The following C1QTNF3 variants were observed in gnomAD, a reference collection of about 807,000 sequenced individuals.
C1QTNF3 encodes the protein complement C1q tumor necrosis factor-related protein 3.
In C1QTNF3, 26 loss-of-function variants were observed where a neutral mutation model predicts 32.6. The observed-to-expected ratio is 0.80, with a 90% confidence interval of 0.58 to 1.11. The LOEUF (loss-of-function observed/expected upper bound fraction) is 1.11, where lower values mean the gene tolerates loss of function less well. C1QTNF3 is among the 50% of genes least tolerant of loss of function. C1QTNF3 has a pLI of 0.00. For synonymous variants in C1QTNF3, 155 were observed against 146.0 expected, an observed-to-expected ratio of 1.06 and a Z score of -0.44; for missense variants, 362 against 398.2, an observed-to-expected ratio of 0.91 and a Z score of 0.77.
the C1QTNF3 span, among the ~76,000 whole-genome samples, chr5:34,056,967 G>A: frequency 1.3e-5 from 2 of 152,142 alleles, no homozygotes; most frequent in African/African-American, 4.8e-5. Context: ...CATCCTTACT[G>A]GAATGTGAGC....
Position 34,035,710 on chromosome 5 carries a change from C to G in C1QTNF3, c.352G>C (p.Gly118Arg). ...LPPDCSKCCH[G>R]DYSFRGYQGP... ...TGGTAGCCTCGAAAGCTGTAGTCTCCATGACAACACTTACTGCAGTCTGGG... is the reference window on the plus strand; with the variant it reads ...TGGTAGCCTCGAAAGCTGTAGTCTCGATGACAACACTTACTGCAGTCTGGG... The change falls in exon 2 of 6, where the codon GGA becomes CGA. Residue 118 changes from glycine (G) to arginine (R), a missense_variant. Physicochemically the swap from Gly to Arg is moderately radical, Grantham distance 125. Coordinates refer to ENST00000382065, the MANE Select transcript of C1QTNF3 (RefSeq NM_181435.6). The G allele has an allele frequency of 6.2e-7, 1 of 1,612,384 alleles. No individual in the cohort carries two copies. Among genetic ancestry groups the G allele is most frequent in the East Asian group, 2.2e-5 (1 of 44,848 alleles).
the C1QTNF3 span, among the ~76,000 whole-genome samples, chr5:34,107,900 C>A: frequency 6.6e-6 from 1 of 151,970 alleles, no homozygotes. Context: ...TTCCAGTTAC[C>A]TTTGAATTAC....
the C1QTNF3 span, among the ~76,000 whole-genome samples, chr5:34,136,546 T>C: frequency 1.3e-5 from 2 of 152,358 alleles, no homozygotes; most frequent in South Asian, 4.1e-4. Context: ...TTTTACACTG[T>C]TGGTGGGAGT....
chr5:34,177,793 C>A, the C1QTNF3 span, among the ~76,000 whole-genome samples: 4 of 151,824 alleles, frequency 2.6e-5, no homozygotes, highest in Admixed American at 2.6e-4. Context: ...AGCCACAACT[C>A]ATCTTAAATA....
chr5:34,128,104 G>A, the C1QTNF3 span, among the ~76,000 whole-genome samples: 7 of 152,190 alleles, frequency 4.6e-5, no homozygotes, highest in South Asian at 4.1e-4. Flanking sequence ...GCCTTGGGAC[G>A]TGAAGACCTG....
chr5:34,211,169 A>G, the C1QTNF3 span, among the ~76,000 whole-genome samples: 1 of 151,578 alleles, frequency 6.6e-6, no homozygotes, highest in Non-Finnish European at 1.5e-5. Context: ...TCAGTTTTAA[A>G]TAAGGAAATA....
chr5:34,155,845 T>C, the C1QTNF3 span, among the ~76,000 whole-genome samples: 2 of 152,148 alleles, frequency 1.3e-5, no homozygotes, highest in Admixed American at 1.3e-4. Flanking sequence ...CTAAGTGACA[T>C]TAAGAAGAGA....
the C1QTNF3 span, among the ~76,000 whole-genome samples, chr5:34,072,555 T>G: frequency 6.6e-6 from 1 of 152,116 alleles, no homozygotes. Flanking sequence ...CTACAGTAAT[T>G]CACCAGACAT....
At chr5:34,032,435 G>A (rs1229817565) in intron 3 of C1QTNF3, among the ~76,000 whole-genome samples, 6 of 152,194 alleles carry the variant, frequency 3.9e-5, no homozygotes, top group Admixed American at 2.0e-4. Context: ...AACACTGAGT[G>A]GATGGCTCAA....
intron 1 of C1QTNF3, among the ~76,000 whole-genome samples, chr5:34,039,639 G>A (rs1182512939): frequency 6.6e-6 from 1 of 152,178 alleles, no homozygotes; most frequent in Non-Finnish European, 1.5e-5. Flanking sequence ...TGCGGTATGT[G>A]TGTTTCTCCT....
chr5:34,146,384 T>C, the C1QTNF3 span, among the ~76,000 whole-genome samples: 1 of 152,028 alleles, frequency 6.6e-6, no homozygotes, highest in African/African-American at 2.4e-5. Flanking sequence ...ATAGAACAAA[T>C]CCAGGGACAT....
At chr5:34,146,151 A>C in the C1QTNF3 span, among the ~76,000 whole-genome samples, 1 of 152,214 alleles carries the variant, frequency 6.6e-6, no homozygotes, top group Non-Finnish European at 1.5e-5. Flanking sequence ...AGTCCTAGTC[A>C]GAGGAATAAA....
the C1QTNF3 span, among the ~76,000 whole-genome samples, chr5:34,102,854 G>GA: frequency 2.6e-5 from 4 of 152,356 alleles, no homozygotes; most frequent in Admixed American, 1.3e-4. Context: ...CTGGGGGAGG[G>GA]ATAGCATTAG....
the C1QTNF3 span, among the ~76,000 whole-genome samples, chr5:34,131,699 T>C: frequency 1.3e-5 from 2 of 152,332 alleles, no homozygotes; most frequent in African/African-American, 2.4e-5. Flanking sequence ...AAATAAGTTC[T>C]AGTGTTCTAT....
chr5:34,222,630 C>A, the C1QTNF3 span, among the ~76,000 whole-genome samples: 1 of 151,772 alleles, frequency 6.6e-6, no homozygotes, highest in African/African-American at 2.4e-5. Flanking sequence ...AATTACTTTA[C>A]CCCTTAAAAG....
the C1QTNF3 span, among the ~76,000 whole-genome samples, chr5:34,231,671 G>A: frequency 6.6e-6 from 1 of 152,186 alleles, no homozygotes; most frequent in African/African-American, 2.4e-5. Context: ...CTGGGCCTGT[G>A]GTTGTGCAGA....
At chr5:34,158,844 A>C in the C1QTNF3 span, 1 of 152,166 alleles carries the variant, frequency 6.6e-6, no homozygotes, top group East Asian at 1.9e-4. Context: ...AATTACAATC[A>C]GAGATTTTGG....
chr5:34,172,452 G>C, the C1QTNF3 span, among the ~76,000 whole-genome samples: 1 of 150,752 alleles, frequency 6.6e-6, no homozygotes, highest in African/African-American at 2.4e-5. Flanking sequence ...GGGGGGGCGG[G>C]GGGAACTAAA....
At chr5:34,026,567 G>A (rs758058651) in intron 4 of C1QTNF3, among the ~76,000 whole-genome samples, 29 of 152,120 alleles carry the variant, frequency 1.9e-4, no homozygotes, top group Non-Finnish European at 4.0e-4. Flanking sequence ...TGGACCCGGT[G>A]CAGTCTGGAG....
Sources: gnomAD v4.1 joint callset for allele counts (sites outside exome capture counted in the v4.1 genomes callset) on GRCh38, gnomAD v4.1.1 for gene constraint, MANE v1.5 for transcripts, NCBI Gene and HGNC (gene_info 2026-07-23, HGNC 2026-07-21) for gene names.